HEATR4: variants seen among roughly 807,000 people sequenced by gnomAD.
HEATR4 encodes the protein HEAT repeat containing 4, also known as HEAT repeat-containing protein 4.
A neutral mutation model predicts 108.8 loss-of-function variants in HEATR4; 95 were observed. The ratio of observed to expected loss-of-function variants is 0.87; its 90% confidence interval spans 0.74 to 1.04. The LOEUF is 1.04. Among genes scored for constraint, HEATR4 ranks in the 50% least tolerant of loss-of-function variants. The pLI is 0.00. For missense variants in HEATR4, 1,152 were observed against 1,253.8 expected, an observed-to-expected ratio of 0.92 and a Z score of 1.23; for synonymous variants, 443 against 459.4, an observed-to-expected ratio of 0.96 and a Z score of 0.46.
At chr14:73,491,058 G>A in intron 17 of HEATR4, 2 of 1,591,030 alleles carry the variant, frequency 1.3e-6, no homozygotes, top group Non-Finnish European at 1.7e-6. Context: ...TTGAGGCGCG[G>A]GCGGCCGAAG....
the HEATR4 span, among the ~76,000 whole-genome samples, chr14:73,613,538 C>T: frequency 6.6e-6 from 1 of 152,108 alleles, no homozygotes; most frequent in East Asian, 1.9e-4. Flanking sequence ...CACAAAACTG[C>T]CTGACAGTCC....
chr14:73,612,017 A>G, the HEATR4 span, among the ~76,000 whole-genome samples: 2 of 149,902 alleles, frequency 1.3e-5, no homozygotes, highest in African/African-American at 4.9e-5. Flanking sequence ...CACTCACCAC[A>G]TTGGATTGCA....
chr14:73,501,012 G>A (rs545096623), intron 11 of HEATR4, among the ~76,000 whole-genome samples: 3 of 152,368 alleles, frequency 2.0e-5, no homozygotes, highest in African/African-American at 7.2e-5. Context: ...TCACAGTCAA[G>A]TTCTCTTCTC....
intron 2 of HEATR4, among the ~76,000 whole-genome samples, chr14:73,529,354 CAAA>C (rs10605851): frequency 1.9e-4 from 17 of 87,418 alleles, no homozygotes; most frequent in Non-Finnish European, 2.6e-4. Flanking sequence ...GACTCTGTCT[CAAA>C]AAAAAAAAAA....
intron 17 of HEATR4, 25 bp from the exon 18 acceptor site, chr14:73,478,867 G>C: frequency 6.4e-7 from 1 of 1,557,344 alleles, no homozygotes; most frequent in Non-Finnish European, 8.8e-7. Flanking sequence ...GAAAACATGA[G>C]TGCATATGCC....
At chr14:73,619,919 CTTT>C in the HEATR4 span, 1,146 of 1,169,738 alleles carry the variant, frequency 9.8e-4, no homozygotes, top group Middle Eastern at 2.1e-3. Flanking sequence ...TTTCTTTTCT[CTTT>C]TTTTTTTTTT....
At chr14:73,573,580 G>T in the HEATR4 span, 1 of 1,613,740 alleles carries the variant, frequency 6.2e-7, no homozygotes, top group Non-Finnish European at 8.5e-7. Context: ...TACTTGCTCA[G>T]TCATCCCGAG....
chr14:73,570,794 A>G, the HEATR4 span, among the ~76,000 whole-genome samples: 1 of 150,406 alleles, frequency 6.6e-6, no homozygotes, highest in Non-Finnish European at 1.5e-5. Context: ...AGTCCCAACT[A>G]CTTAGGAGGT....
intron 1 of HEATR4, chr14:73,541,831 T>A: frequency 1.7e-6 from 1 of 603,858 alleles, no homozygotes; most frequent in Non-Finnish European, 2.6e-6. Flanking sequence ...AGTCACTTCT[T>A]ATAGACAGTT....
intron 2 of HEATR4, among the ~76,000 whole-genome samples, chr14:73,524,870 T>G (rs1050278302): frequency 3.3e-5 from 5 of 152,034 alleles, no homozygotes; most frequent in African/African-American, 9.7e-5. Context: ...AAGGTGCCCA[T>G]GCAGACCAGA....
intron 1 of HEATR4, among the ~76,000 whole-genome samples, chr14:73,551,676 T>C (rs56298942): frequency 0.45 from 49,412 of 108,852 alleles, 18,494 homozygotes; most frequent in East Asian, 0.67. Context: ...GGTGTGGTGG[T>C]GCGCACCTGT....
At chr14:73,479,725 C>T (rs992720309) in intron 17 of HEATR4, among the ~76,000 whole-genome samples, 7 of 151,986 alleles carry the variant, frequency 4.6e-5, no homozygotes, top group African/African-American at 2.4e-5. Context: ...CCTCCGCTCC[C>T]GGCCACGCCC....
At chr14:73,630,380 C>A in the HEATR4 span, among the ~76,000 whole-genome samples, 1 of 152,234 alleles carries the variant, frequency 6.6e-6, no homozygotes, top group Admixed American at 6.6e-5. Context: ...AACTTCTCTT[C>A]TGCTGGCCTG....
chr14:73,509,840 A>ATATATG (rs1887105424), intron 7 of HEATR4, among the ~76,000 whole-genome samples: 2 of 75,772 alleles, frequency 2.6e-5, no homozygotes, highest in Non-Finnish European at 5.7e-5. Context: ...ATATATATAT[A>ATATATG]TATATATATA....
the HEATR4 span, among the ~76,000 whole-genome samples, chr14:73,565,812 G>C: frequency 6.6e-6 from 1 of 152,036 alleles, no homozygotes; most frequent in South Asian, 2.1e-4. Context: ...AGAGTGAGCA[G>C]CAGTAAGATT....
chr14:73,564,873 G>A, the HEATR4 span, among the ~76,000 whole-genome samples: 9 of 151,016 alleles, frequency 6.0e-5, no homozygotes, highest in Admixed American at 2.0e-4. Context: ...CCCAGCTACT[G>A]GTGTATTGTT....
intron 17 of HEATR4, among the ~76,000 whole-genome samples, chr14:73,484,471 C>T (rs934795720): frequency 2.6e-5 from 4 of 152,052 alleles, no homozygotes; most frequent in Non-Finnish European, 4.4e-5. Context: ...CTCTGTCTCC[C>T]GCATTCAAGC....
Position 73,551,722 on chromosome 14 carries a change from C to T in HEATR4, c.-152+7029G>A, listed in dbSNP as rs1267509616. Among the ~76,000 whole-genome samples the T allele has an allele frequency of 3.6e-5, 4 of 109,636 alleles. 1 individual carries two copies. The highest frequency in any genetic ancestry group is 2.1e-4 in the Admixed American group (2 of 9,466). 71.9% of individuals were successfully genotyped at this position (109,636 alleles called of 152,430 possible). On this transcript the variant is annotated intron_variant, in intron 1 of 17. Coordinates refer to ENST00000553558, the MANE Select transcript of HEATR4 (RefSeq NM_001220484.1). ...ACTCAGGAGGCTGAGGCAGGAGAAT[C>T]GCTTGAACCCCAGGAGGCCGAGGTT...
chr14:73,598,443 C>G, the HEATR4 span, among the ~76,000 whole-genome samples: 1 of 151,424 alleles, frequency 6.6e-6, no homozygotes, highest in Non-Finnish European at 1.5e-5. Flanking sequence ...TCCTTCAAAT[C>G]TGGATGAACT....
Sources: allele counts gnomAD v4.1 joint callset (sites outside exome capture counted in the v4.1 genomes callset), GRCh38; gene constraint gnomAD v4.1.1; transcripts MANE v1.5; gene names NCBI Gene and HGNC (gene_info 2026-07-23, HGNC 2026-07-21).